The following CORIN variants were observed in gnomAD, a reference collection of about 807,000 sequenced individuals.
The protein encoded by CORIN is corin, serine peptidase.
In CORIN, 117 loss-of-function variants were observed where a neutral mutation model predicts 125.3. The observed-to-expected ratio is 0.93, with a 90% CI of 0.80 to 1.09. The LOEUF (loss-of-function observed/expected upper bound fraction) is 1.09. Among genes scored for constraint, CORIN ranks in the 50% least tolerant of loss-of-function variants. The pLI is 0.00. For missense variants in CORIN, 1,253 were observed against 1,306.7 expected, an observed-to-expected ratio of 0.96 and a Z score of 0.63; for synonymous variants, 450 against 466.4, an observed-to-expected ratio of 0.96 and a Z score of 0.45.
intron 12 of CORIN, 128 bp downstream of exon 12, chr4:47,661,583 C>T (rs537271625): frequency 5.4e-4 from 456 of 850,050 alleles, no homozygotes; most frequent in Non-Finnish European, 7.2e-4. Flanking sequence ...ATTCACTCAC[C>T]TAAGCAGCCT....
chr4:47,668,237 C>T (rs1201334988), intron 10 of CORIN, among the ~76,000 whole-genome samples: 1 of 152,174 alleles, frequency 6.6e-6, no homozygotes, highest in African/African-American at 2.4e-5. Context: ...TTTAAAAATG[C>T]ATGTTTTTCA....
intron 5 of CORIN, among the ~76,000 whole-genome samples, chr4:47,729,439 A>G (rs923618520): frequency 6.6e-6 from 1 of 152,226 alleles, no homozygotes; most frequent in Non-Finnish European, 1.5e-5. Context: ...GCTGATTAAA[A>G]GAACTGAGGG....
intron 5 of CORIN, among the ~76,000 whole-genome samples, chr4:47,704,583 A>G (rs1665344038): frequency 1.3e-5 from 2 of 152,134 alleles, no homozygotes; most frequent in Non-Finnish European, 2.9e-5. Context: ...CCCTGAGTCA[A>G]GCAGAGAATG....
At chr4:47,599,058 A>G (rs13435606) in intron 21 of CORIN, among the ~76,000 whole-genome samples, 23,869 of 152,150 alleles carry the variant, frequency 0.16, 3,250 homozygotes, top group African/African-American at 0.37. Context: ...GCAGAGATGA[A>G]TTCCAACCCA....
chr4:47,746,089 G>T (rs1474262490), intron 4 of CORIN, among the ~76,000 whole-genome samples: 1 of 152,144 alleles, frequency 6.6e-6, no homozygotes, highest in Non-Finnish European at 1.5e-5. Context: ...GAAGACACCC[G>T]AAATATATTA....
At chr4:47,804,739 G>T (rs1361657760) in intron 2 of CORIN, among the ~76,000 whole-genome samples, 1 of 138,244 alleles carries the variant, frequency 7.2e-6, no homozygotes, top group Admixed American at 7.4e-5. Flanking sequence ...GGTGGGGAGG[G>T]GGGGGGTTGT....
Position 47,727,432 on chromosome 4 carries a change from T to G in CORIN, c.799+16970A>C, listed in dbSNP as rs192522686. On this transcript the variant is annotated intron_variant, in intron 5 of 21. Coordinates refer to ENST00000273857, the MANE Select transcript of CORIN (RefSeq NM_006587.4). Reference sequence around the variant, plus strand: ...ATTCTAATATGTGTCACATTTAAGGTTAGTAATTATTTATAAACATTTATA... The same window carrying G: ...ATTCTAATATGTGTCACATTTAAGGGTAGTAATTATTTATAAACATTTATA... Among the ~76,000 whole-genome samples, 438 of 152,192 alleles carry G rather than the reference T, an allele frequency of 2.9e-3. 4 individuals carry two copies. Among genetic ancestry groups the G allele is most frequent in the African/African-American group, 0.01 (425 of 41,550 alleles).
At chr4:47,802,521 C>G (rs998754269) in intron 2 of CORIN, among the ~76,000 whole-genome samples, 2 of 152,136 alleles carry the variant, frequency 1.3e-5, no homozygotes, top group African/African-American at 4.8e-5. Flanking sequence ...GGAGAGACTC[C>G]TTGGCCAATG....
chr4:47,683,876 C>T, intron 6 of CORIN, 38 bp from the exon 7 acceptor site: 1 of 1,441,186 alleles, frequency 6.9e-7, no homozygotes, highest in Non-Finnish European at 9.7e-7. Flanking sequence ...TCATCAGAGC[C>T]ATACAGAATG....
chr4:47,682,442 A>G (rs1472730322), intron 7 of CORIN: 2 of 44,992 alleles, frequency 4.4e-5, no homozygotes, highest in Non-Finnish European at 1.2e-4. Context: ...ACTCCATCTC[A>G]AAAAAAAAAA....
intron 13 of CORIN, among the ~76,000 whole-genome samples, chr4:47,651,656 T>A (rs192290864): frequency 6.6e-6 from 1 of 152,358 alleles, no homozygotes; most frequent in African/African-American, 2.4e-5. Context: ...CACTTTTAAC[T>A]TTCCTTAACT....
At chr4:47,776,426 C>T (rs751565336) in intron 3 of CORIN, among the ~76,000 whole-genome samples, 20 of 152,136 alleles carry the variant, frequency 1.3e-4, no homozygotes, top group Non-Finnish European at 2.9e-4. Flanking sequence ...CCAACCAGGT[C>T]TCCATTTCTT....
At chr4:47,779,282 C>T (rs148206845) in intron 3 of CORIN, among the ~76,000 whole-genome samples, 294 of 152,246 alleles carry the variant, frequency 1.9e-3, no homozygotes, top group African/African-American at 6.8e-3. Flanking sequence ...GCCTGGCCAA[C>T]ATCCTTAACG....
At chr4:47,769,923 TA>T (rs1175120587) in intron 3 of CORIN, among the ~76,000 whole-genome samples, 4 of 152,002 alleles carry the variant, frequency 2.6e-5, no homozygotes, top group Non-Finnish European at 4.4e-5. Context: ...GAAGAATACA[TA>T]GGGGGAAAGC....
At chr4:47,598,562 G>T (rs1238273817) in intron 21 of CORIN, among the ~76,000 whole-genome samples, 3 of 152,150 alleles carry the variant, frequency 2.0e-5, no homozygotes, top group Non-Finnish European at 2.9e-5. Context: ...GCCAAGAGAT[G>T]ATCTTGAACA....
At chr4:47,646,579 T>C (rs1723495158) in intron 13 of CORIN, among the ~76,000 whole-genome samples, 1 of 152,214 alleles carries the variant, frequency 6.6e-6, no homozygotes. Flanking sequence ...GTCAGATCCC[T>C]GGCCCCGGCC....
At chr4:47,599,505 A>G (rs554949219) in intron 21 of CORIN, among the ~76,000 whole-genome samples, 1 of 152,246 alleles carries the variant, frequency 6.6e-6, no homozygotes, top group South Asian at 2.1e-4. Flanking sequence ...AGTTTTTGTT[A>G]CAAGCTTATT....
chr4:47,724,063 G>T (rs962223517), intron 5 of CORIN, among the ~76,000 whole-genome samples: 1 of 150,856 alleles, frequency 6.6e-6, no homozygotes, highest in African/African-American at 2.4e-5. Flanking sequence ...TAATTAATAG[G>T]CACCACCCCT....
chr4:47,656,029 A>C (rs1397764269), intron 12 of CORIN, among the ~76,000 whole-genome samples: 1 of 152,116 alleles, frequency 6.6e-6, no homozygotes, highest in East Asian at 1.9e-4. Flanking sequence ...ACAAAGACAC[A>C]TCAAAAAAAA....
Sources: gnomAD v4.1 joint callset for allele counts (sites outside exome capture counted in the v4.1 genomes callset) on GRCh38, gnomAD v4.1.1 for gene constraint, MANE v1.5 for transcripts, NCBI Gene and HGNC (gene_info 2026-07-23, HGNC 2026-07-21) for gene names.